The following RXFP1 variants were observed in gnomAD, a reference collection of about 807,000 sequenced individuals.
RXFP1 encodes the protein relaxin family peptide receptor 1.
A neutral mutation model predicts 89.8 loss-of-function variants in RXFP1; 73 were observed. That is an observed-to-expected ratio of 0.81 (90% CI 0.67 to 0.99). The LOEUF is 0.99. RXFP1 is among the 50% of genes least tolerant of loss of function. RXFP1 has a pLI of 0.00. For missense variants in RXFP1, 793 were observed against 895.5 expected, an observed-to-expected ratio of 0.89 and a Z score of 1.46; for synonymous variants, 277 against 305.5, an observed-to-expected ratio of 0.91 and a Z score of 0.97.
intron 3 of RXFP1, among the ~76,000 whole-genome samples, chr4:158,594,959 A>C (rs566147308): frequency 1.3e-5 from 2 of 152,262 alleles, no homozygotes; most frequent in African/African-American, 4.8e-5. Context: ...TTAGGTGGTT[A>C]TTTTATAACA....
At chr4:158,537,726 T>A (rs1237948784) in intron 1 of RXFP1, among the ~76,000 whole-genome samples, 1 of 152,116 alleles carries the variant, frequency 6.6e-6, no homozygotes, top group Non-Finnish European at 1.5e-5. Context: ...TCCAGAAAGA[T>A]CCCTCACCTA....
intron 1 of RXFP1, among the ~76,000 whole-genome samples, chr4:158,530,284 A>G (rs1743707840): frequency 6.6e-6 from 1 of 152,220 alleles, no homozygotes; most frequent in Non-Finnish European, 1.5e-5. Flanking sequence ...TGCAAGTGTA[A>G]GTTAATGAAA....
rs968777542 is a variant in RXFP1 at position 158,612,187 on chromosome 4, C to A, written c.594C>A (p.His198Gln). Reference protein sequence around the residue: ...FLKPGVFEDLHRLEWLIIEDN... With the variant: ...FLKPGVFEDLQRLEWLIIEDN... ...AGCCGGGTGTTTTTGAAGATCTTCA[C>A]AGACTAGAATGGCTGTATGTTTAAT... The change falls in exon 7 of 18, where the codon CAC (histidine) becomes CAA (glutamine). Residue 198 changes from histidine (H) to glutamine (Q), a missense_variant. Physicochemically the swap from His to Gln is conservative, Grantham distance 24. Coordinates refer to ENST00000307765, the MANE Select transcript of RXFP1 (RefSeq NM_021634.4). 1.9e-5 allele frequency: 31 copies of A among 1,611,780 alleles called. No homozygotes were observed. The highest frequency in any genetic ancestry group is 2.5e-5 in the Non-Finnish European group (30 of 1,179,150).
chr4:158,584,416 A>C (rs1757910946), intron 2 of RXFP1, among the ~76,000 whole-genome samples: 1 of 151,706 alleles, frequency 6.6e-6, no homozygotes, highest in Non-Finnish European at 1.5e-5. Context: ...CCTGGGCAAC[A>C]GGGTGAGACT....
chr4:158,627,000 G>A, intron 10 of RXFP1, 109 bp downstream of exon 10: 1 of 499,420 alleles, frequency 2.0e-6, no homozygotes, highest in Non-Finnish European at 3.4e-6. Flanking sequence ...AGAGTCTGTT[G>A]TTGGATCTCA....
chr4:158,536,445 G>A (rs1347263950), intron 1 of RXFP1, among the ~76,000 whole-genome samples: 2 of 152,180 alleles, frequency 1.3e-5, no homozygotes, highest in African/African-American at 4.8e-5. Context: ...GTCAATCAGA[G>A]ATAACTTCAA....
chr4:158,580,937 A>G (rs1757231915), intron 2 of RXFP1, among the ~76,000 whole-genome samples: 2 of 152,102 alleles, frequency 1.3e-5, no homozygotes, highest in Admixed American at 6.6e-5. Context: ...AGCTGGTATT[A>G]CAGGCACCTG....
Position 158,548,022 on chromosome 4 carries a change from G to A in RXFP1, c.50-24676G>A, listed in dbSNP as rs372789986. On this transcript the variant is annotated intron_variant, in intron 1 of 17. Transcript: ENST00000307765. ...GGTATCCTTGTTAACTTTCTGTCTC[G>A]TTGATCTGTCTAATGTTGACAGTGG... 1.7e-3 allele frequency among the ~76,000 whole-genome samples: 257 copies of A among 152,156 alleles called. 1 individual carries two copies. Among genetic ancestry groups the A allele is most frequent in the African/African-American group, 5.9e-3 (244 of 41,520 alleles).
At chr4:158,529,432 T>C (rs964309528) in intron 1 of RXFP1, among the ~76,000 whole-genome samples, 2 of 152,020 alleles carry the variant, frequency 1.3e-5, no homozygotes, top group African/African-American at 4.8e-5. Context: ...CTAATTTTTG[T>C]ATTTTTTGTA....
At chr4:158,634,111 G>A (rs987539832) in intron 12 of RXFP1, among the ~76,000 whole-genome samples, 2 of 152,106 alleles carry the variant, frequency 1.3e-5, no homozygotes, top group African/African-American at 4.8e-5. Flanking sequence ...GTTTTCCATA[G>A]GAGTTTAACC....
chr4:158,606,749 C>A (rs1762600863), intron 5 of RXFP1, among the ~76,000 whole-genome samples: 1 of 150,378 alleles, frequency 6.6e-6, no homozygotes, highest in Non-Finnish European at 1.5e-5. Context: ...ACACCTGGCT[C>A]CTTTTTTTTT....
chr4:158,531,471 T>G (rs1410375712), intron 1 of RXFP1, among the ~76,000 whole-genome samples: 1 of 152,228 alleles, frequency 6.6e-6, no homozygotes, highest in Non-Finnish European at 1.5e-5. Flanking sequence ...AGGGTCATCT[T>G]GAACACAAAA....
At chr4:158,638,574 G>A (rs565794158) in intron 13 of RXFP1, among the ~76,000 whole-genome samples, 10 of 152,262 alleles carry the variant, frequency 6.6e-5, no homozygotes, top group South Asian at 2.1e-4. Flanking sequence ...TTGGGAGTCC[G>A]AAGCAGGAGG....
At chr4:158,610,432 G>A (rs1248558578) in intron 6 of RXFP1, among the ~76,000 whole-genome samples, 3 of 152,144 alleles carry the variant, frequency 2.0e-5, no homozygotes, top group African/African-American at 7.2e-5. Context: ...TTATACCTTA[G>A]CGTTTCAGGT....
intron 4 of RXFP1, among the ~76,000 whole-genome samples, chr4:158,604,714 C>A (rs1762261159): frequency 6.6e-6 from 1 of 152,082 alleles, no homozygotes; most frequent in Admixed American, 6.5e-5. Flanking sequence ...TGTTTTTAAA[C>A]AGAAAATACT....
rs769775527 is a variant in RXFP1 at position 158,637,998 on chromosome 4, T to TA, written c.972-4dup. ...AGAAATGACCTATTGCTGCTTTTTT[T>TA]AAAAAACAGGAATCTTTCCTATAAT... On this transcript the variant is annotated splice_polypyrimidine_tract_variant and intron_variant, in intron 12 of 17. Transcript: ENST00000307765. 6.4e-7 allele frequency: 1 copy of TA among 1,565,872 alleles called. No homozygotes were observed. Among genetic ancestry groups the TA allele is most frequent in the South Asian group, 1.1e-5 (1 of 88,980 alleles).
intron 2 of RXFP1, among the ~76,000 whole-genome samples, chr4:158,578,265 C>G (rs1344671038): frequency 6.6e-6 from 1 of 152,156 alleles, no homozygotes; most frequent in African/African-American, 2.4e-5. Context: ...CATTCTTCAT[C>G]TCTGCTCAGA....
intron 4 of RXFP1, among the ~76,000 whole-genome samples, chr4:158,603,942 A>G (rs1437587813): frequency 1.3e-5 from 2 of 148,958 alleles, no homozygotes; most frequent in African/African-American, 2.4e-5. Flanking sequence ...GATATACTAT[A>G]TATGTTCTTG....
At chr4:158,545,268 T>C (rs199649399) in intron 1 of RXFP1, among the ~76,000 whole-genome samples, 1 of 152,180 alleles carries the variant, frequency 6.6e-6, no homozygotes, top group African/African-American at 2.4e-5. Context: ...TGTCTGTTCA[T>C]ATCCTTCGCC....
Sources: allele counts gnomAD v4.1 joint callset (sites outside exome capture counted in the v4.1 genomes callset), GRCh38; gene constraint gnomAD v4.1.1; transcripts MANE v1.5; gene names NCBI Gene and HGNC (gene_info 2026-07-23, HGNC 2026-07-21).